Variants in SLC8A1 observed in about 807,000 individuals in gnomAD.
SLC8A1 encodes solute carrier family 8 member A1.
A neutral mutation model predicts 68.3 loss-of-function variants in SLC8A1; 18 were observed. The observed-to-expected ratio is 0.26, with a 90% CI of 0.18 to 0.39. The LOEUF is 0.39. SLC8A1 is among the 10% of genes least tolerant of loss of function. The probability of loss-of-function intolerance (pLI) is 1.00; values close to 1 mark genes in which losing one functional copy is unlikely to be tolerated. For missense variants in SLC8A1, 985 were observed against 1,156.7 expected (o/e 0.85, Z 2.15); for synonymous variants, 475 against 415.5 (o/e 1.14, Z -1.74).
intron 1 of SLC8A1, among the ~76,000 whole-genome samples, chr2:40,482,749 A>G (rs1204640664): frequency 2.7e-5 from 4 of 149,248 alleles, no homozygotes; most frequent in Admixed American, 1.3e-4. Context: ...CAGAGAGACA[A>G]TGTTTTTCCT....
At chr2:40,308,019 G>A (rs1031586814) in intron 2 of SLC8A1, among the ~76,000 whole-genome samples, 2 of 152,098 alleles carry the variant, frequency 1.3e-5, no homozygotes, top group Non-Finnish European at 2.9e-5. Context: ...ATATGAAATG[G>A]AATGAAATAA....
chr2:40,257,682 T>C (rs888085461), intron 2 of SLC8A1, among the ~76,000 whole-genome samples: 2 of 152,326 alleles, frequency 1.3e-5, no homozygotes, highest in African/African-American at 2.4e-5. Context: ...ATTACATAAA[T>C]AGATAATTTC....
chr2:40,388,991 C>G (rs1303717039), intron 2 of SLC8A1, among the ~76,000 whole-genome samples: 1 of 152,152 alleles, frequency 6.6e-6, no homozygotes, highest in Non-Finnish European at 1.5e-5. Flanking sequence ...GTTCACCTAT[C>G]ACACTGTCTT....
intron 1 of SLC8A1, among the ~76,000 whole-genome samples, chr2:40,441,493 CA>C (rs1047430777): frequency 6.6e-6 from 1 of 151,982 alleles, no homozygotes; most frequent in African/African-American, 2.4e-5. Context: ...GGGGGCATCA[CA>C]CTACCTGACT....
chr2:40,327,347 C>T (rs943280338), intron 2 of SLC8A1, among the ~76,000 whole-genome samples: 3 of 152,162 alleles, frequency 2.0e-5, no homozygotes, highest in African/African-American at 7.2e-5. Flanking sequence ...TATGTTTGTG[C>T]ATATGACATT....
chr2:40,207,224 T>A (rs2055621221), intron 2 of SLC8A1, among the ~76,000 whole-genome samples: 1 of 152,022 alleles, frequency 6.6e-6, no homozygotes, highest in Admixed American at 6.6e-5. Context: ...GACTCCTACA[T>A]CTACTTTATT....
chr2:40,128,719 G>A (rs1282754644), intron 7 of SLC8A1, among the ~76,000 whole-genome samples: 1 of 152,158 alleles, frequency 6.6e-6, no homozygotes, highest in Non-Finnish European at 1.5e-5. Context: ...TAGTGGAATT[G>A]TTTTAAAAAG....
chr2:40,331,917 C>T (rs1333130458), intron 2 of SLC8A1, among the ~76,000 whole-genome samples: 6 of 151,894 alleles, frequency 4.0e-5, no homozygotes, highest in South Asian at 2.1e-4. Flanking sequence ...TAAATATTTT[C>T]GTCTATGATA....
At chr2:40,197,532 C>T (rs989607977) in intron 2 of SLC8A1, among the ~76,000 whole-genome samples, 4 of 152,102 alleles carry the variant, frequency 2.6e-5, no homozygotes, top group East Asian at 1.9e-4. Context: ...CAGACAGTTA[C>T]GATAAAATTA....
chr2:40,369,383 G>C (rs1677280642), intron 2 of SLC8A1, among the ~76,000 whole-genome samples: 1 of 152,028 alleles, frequency 6.6e-6, no homozygotes. Context: ...ACCATTAGCG[G>C]AATACATAAA....
At chr2:40,353,749 C>T (rs1037048396) in intron 2 of SLC8A1, among the ~76,000 whole-genome samples, 1 of 152,148 alleles carries the variant, frequency 6.6e-6, no homozygotes, top group African/African-American at 2.4e-5. Flanking sequence ...CTTTTAGAAA[C>T]TTGTGTCCCA....
At chr2:40,492,853 T>C (rs2149926156) in intron 1 of SLC8A1, among the ~76,000 whole-genome samples, 1 of 148,928 alleles carries the variant, frequency 6.7e-6, no homozygotes, top group East Asian at 2.0e-4. Flanking sequence ...CAACAGGTGC[T>C]GGAGAAGATG....
intron 2 of SLC8A1, chr2:40,177,926 G>A (rs1395840980): frequency 1.0e-5 from 10 of 988,594 alleles, no homozygotes; most frequent in Non-Finnish European, 1.6e-5. Context: ...TGTCCACCAA[G>A]CTGAATGTTA....
chr2:40,198,360 GC>G (rs893797097), intron 2 of SLC8A1, among the ~76,000 whole-genome samples: 3 of 151,942 alleles, frequency 2.0e-5, no homozygotes, highest in African/African-American at 7.2e-5. Flanking sequence ...GTTCTTGTTT[GC>G]ATTTCCCAAG....
exon 6 of SLC8A1, chr2:40,160,811 A>G (rs1558572531): frequency 4.3e-6 from 7 of 1,613,330 alleles, no homozygotes; most frequent in Non-Finnish European, 5.9e-6. Flanking sequence ...TCCAGCTGTT[A>G]GTCCCAACCA....
intron 2 of SLC8A1, among the ~76,000 whole-genome samples, chr2:40,269,457 G>A (rs2065753363): frequency 6.6e-6 from 1 of 152,166 alleles, no homozygotes; most frequent in African/African-American, 2.4e-5. Flanking sequence ...AAGGTCAATG[G>A]AAAGGTAGCG....
At chr2:40,182,483 TAAAAAA>T (rs1203500391) in intron 2 of SLC8A1, among the ~76,000 whole-genome samples, 1 of 151,822 alleles carries the variant, frequency 6.6e-6, no homozygotes, top group Non-Finnish European at 1.5e-5. Flanking sequence ...GTTCTATTTC[TAAAAAA>T]AAGAAAAAGA....
chr2:40,507,515 C>T (rs1706447720), intron 1 of SLC8A1, among the ~76,000 whole-genome samples: 1 of 151,972 alleles, frequency 6.6e-6, no homozygotes, highest in Non-Finnish European at 1.5e-5. Flanking sequence ...TTATTTTGCT[C>T]TTACTCCTTG....
At chr2:40,243,993 T>C (rs1300853443) in intron 2 of SLC8A1, among the ~76,000 whole-genome samples, 1 of 152,086 alleles carries the variant, frequency 6.6e-6, no homozygotes, top group Non-Finnish European at 1.5e-5. Context: ...TTCTGAGTAA[T>C]TACTGAGGGG....
Sources: gnomAD v4.1 joint callset for allele counts (sites outside exome capture counted in the v4.1 genomes callset) on GRCh38, gnomAD v4.1.1 for gene constraint, MANE v1.5 for transcripts, NCBI Gene and HGNC (gene_info 2026-07-23, HGNC 2026-07-21) for gene names.